Variants in OR51B5 observed in about 807,000 individuals in gnomAD.
The protein encoded by OR51B5 is olfactory receptor 51B5.
For synonymous variants in OR51B5, 186 were observed against 144.8 expected, an observed-to-expected ratio of 1.28 and a Z score of -2.04; for missense variants, 456 against 374.6, an observed-to-expected ratio of 1.22 and a Z score of -1.79.
intron 1 of OR51B5, among the ~76,000 whole-genome samples, chr11:5,373,645 C>A (rs1375338859): frequency 6.6e-6 from 1 of 152,168 alleles, no homozygotes; most frequent in Non-Finnish European, 1.5e-5. Context: ...GCTTTTCTGA[C>A]AGGCTTAGGA....
intron 1 of OR51B5, among the ~76,000 whole-genome samples, chr11:5,443,474 T>C (rs1850721527): frequency 6.6e-6 from 1 of 151,864 alleles, no homozygotes; most frequent in African/African-American, 2.4e-5. Flanking sequence ...AGTCCATGTC[T>C]CTAAGAGGTC....
intron 1 of OR51B5, among the ~76,000 whole-genome samples, chr11:5,462,097 T>C (rs1226253631): frequency 1.3e-5 from 2 of 152,126 alleles, no homozygotes; most frequent in Non-Finnish European, 2.9e-5. Context: ...GTTTAAGGTG[T>C]GTGGAAAAAA....
chr11:5,355,766 A>T (rs1849184366), intron 1 of OR51B5, among the ~76,000 whole-genome samples: 1 of 59,780 alleles, frequency 1.7e-5, no homozygotes, highest in Non-Finnish European at 4.1e-5. Context: ...AAAAATTAAA[A>T]AAAAAAAAAA....
At chr11:5,343,044 G>C in exon 1 of OR51B5, 2 of 1,613,718 alleles carry the variant, frequency 1.2e-6, no homozygotes, top group Non-Finnish European at 8.5e-7. Flanking sequence ...AAAAAATAGA[G>C]GGGCCTGATT....
At chr11:5,458,511 A>C (rs1850997560) in intron 1 of OR51B5, among the ~76,000 whole-genome samples, 1 of 152,150 alleles carries the variant, frequency 6.6e-6, no homozygotes, top group South Asian at 2.1e-4. Flanking sequence ...TGGTAGTTTG[A>C]TAGGAATAAT....
intron 1 of OR51B5, among the ~76,000 whole-genome samples, chr11:5,411,857 T>C (rs140912291): frequency 1.3e-5 from 2 of 152,194 alleles, no homozygotes; most frequent in East Asian, 3.9e-4. Flanking sequence ...GAGAGAGAAA[T>C]TGACTAAAAA....
At chr11:5,348,371 C>A (rs149540431), upstream of OR51B5, among the ~76,000 whole-genome samples, 15 of 152,122 alleles carry the variant, frequency 9.9e-5, no homozygotes, top group East Asian at 2.9e-3. Flanking sequence ...GTCCCCCTGC[C>A]CCCAACCCCA....
chr11:5,468,077 T>A (rs571655268), intron 1 of OR51B5, among the ~76,000 whole-genome samples: 1 of 152,226 alleles, frequency 6.6e-6, no homozygotes, highest in Non-Finnish European at 1.5e-5. Flanking sequence ...TTAAAGATAT[T>A]CAGAATGATT....
intron 1 of OR51B5, among the ~76,000 whole-genome samples, chr11:5,476,045 G>A (rs1421028313): frequency 6.6e-6 from 1 of 152,100 alleles, no homozygotes. Flanking sequence ...TCCTCATAAA[G>A]TGATTTACTC....
intron 1 of OR51B5, among the ~76,000 whole-genome samples, chr11:5,495,866 G>C (rs1851643563): frequency 6.6e-6 from 1 of 152,178 alleles, no homozygotes; most frequent in Non-Finnish European, 1.5e-5. Flanking sequence ...ACACGCATAG[G>C]CTGAAAGTGA....
chr11:5,471,490 C>T (rs1389349629), intron 1 of OR51B5, among the ~76,000 whole-genome samples: 4 of 151,962 alleles, frequency 2.6e-5, no homozygotes, highest in Non-Finnish European at 5.9e-5. Context: ...ATAAAAACTA[C>T]CCAGGCGTGG....
chr11:5,411,975 G>T (rs1850155170), intron 1 of OR51B5, among the ~76,000 whole-genome samples: 1 of 152,198 alleles, frequency 6.6e-6, no homozygotes. Flanking sequence ...TTTTAGCCCA[G>T]TGAGATCTAT....
chr11:5,492,427 C>A (rs530727727), intron 1 of OR51B5, among the ~76,000 whole-genome samples: 56 of 152,244 alleles, frequency 3.7e-4, no homozygotes, highest in African/African-American at 1.3e-3. Context: ...TCAATTTGCT[C>A]TTATTATAAA....
chr11:5,477,315 C>G (rs1199252858), intron 1 of OR51B5, among the ~76,000 whole-genome samples: 1 of 152,128 alleles, frequency 6.6e-6, no homozygotes, highest in Non-Finnish European at 1.5e-5. Context: ...TTGAGATGAG[C>G]ACAGAGGTGC....
intron 1 of OR51B5, chr11:5,431,071 T>A (rs1432669362): frequency 6.7e-6 from 3 of 449,486 alleles, no homozygotes; most frequent in Non-Finnish European, 1.3e-5. Context: ...GCAGTAGGAG[T>A]GTGAGAGGAC....
At chr11:5,440,695 C>T (rs772504296) in intron 1 of OR51B5, 5 of 1,613,900 alleles carry the variant, frequency 3.1e-6, no homozygotes, top group Non-Finnish European at 4.2e-6. Flanking sequence ...ATGACATGAA[C>T]AACAGGTGGA....
chr11:5,434,531 C>G (rs1195698629), intron 1 of OR51B5, among the ~76,000 whole-genome samples: 1 of 152,098 alleles, frequency 6.6e-6, no homozygotes, highest in Non-Finnish European at 1.5e-5. Flanking sequence ...TTGAATCTGT[C>G]TAATTATCTC....
intron 1 of OR51B5, among the ~76,000 whole-genome samples, chr11:5,439,072 A>G (rs1850634482): frequency 6.6e-6 from 1 of 151,572 alleles, no homozygotes. Context: ...CAGTATGACA[A>G]TCAACTGTTC....
chr11:5,349,939 TTAATA>T (rs1277981159), intron 1 of OR51B5, among the ~76,000 whole-genome samples: 11 of 152,082 alleles, frequency 7.2e-5, no homozygotes, highest in Admixed American at 5.9e-4. Flanking sequence ...AAACTATAGT[TTAATA>T]TCTTTATTTA....
Sources: allele counts gnomAD v4.1 joint callset (sites outside exome capture counted in the v4.1 genomes callset), GRCh38; gene constraint gnomAD v4.1.1; transcripts MANE v1.5; gene names NCBI Gene and HGNC (gene_info 2026-07-23, HGNC 2026-07-21).